The following GRAMD2B variants were observed in gnomAD, a reference collection of about 807,000 sequenced individuals.
The protein encoded by GRAMD2B is GRAM domain-containing protein 2B.
GRAMD2B carries 41 observed loss-of-function variants against 59.2 expected under a neutral mutation model. The ratio of observed to expected loss-of-function variants is 0.69; its 90% CI spans 0.54 to 0.90. The LOEUF is 0.90. Among genes scored for constraint, GRAMD2B ranks in the 40% least tolerant of loss-of-function variants. The pLI is 0.00. For synonymous variants in GRAMD2B, 161 were observed against 182.7 expected, an observed-to-expected ratio of 0.88 and a Z score of 0.96; for missense variants, 424 against 500.5, an observed-to-expected ratio of 0.85 and a Z score of 1.46.
intron 1 of GRAMD2B, among the ~76,000 whole-genome samples, chr5:126,397,524 T>C (rs965106494): frequency 6.6e-6 from 1 of 152,138 alleles, no homozygotes; most frequent in African/African-American, 2.4e-5. Context: ...ACACCTGGCT[T>C]TGACGTTTAT....
intron 11 of GRAMD2B, among the ~76,000 whole-genome samples, chr5:126,486,259 C>T (rs1216976788): frequency 1.3e-5 from 2 of 152,198 alleles, no homozygotes; most frequent in Non-Finnish European, 2.9e-5. Context: ...AGTCATTCTA[C>T]AGTGATATTC....
intron 1 of GRAMD2B, among the ~76,000 whole-genome samples, chr5:126,405,761 C>G (rs1246768368): frequency 2.0e-5 from 3 of 150,498 alleles, no homozygotes; most frequent in African/African-American, 7.3e-5. Context: ...GTTTGCTTTT[C>G]TTGGTTCTTT....
intron 1 of GRAMD2B, among the ~76,000 whole-genome samples, chr5:126,440,803 T>C (rs771937940): frequency 6.6e-6 from 1 of 152,184 alleles, no homozygotes; most frequent in Non-Finnish European, 1.5e-5. Flanking sequence ...CGTTCTGTAT[T>C]AGATTAATGA....
At chr5:126,391,337 A>AAAAAAAAAAAAAAAAAAAAAAAAT (rs1561471900) in intron 1 of GRAMD2B, among the ~76,000 whole-genome samples, 1 of 140,388 alleles carries the variant, frequency 7.1e-6, no homozygotes. Context: ...AAAAAAAAAA[A>AAAAAAAAAAAAAAAAAAAAAAAAT]AAACTTGTAC....
chr5:126,422,177 A>G (rs1006476823), upstream of GRAMD2B, among the ~76,000 whole-genome samples: 1 of 150,972 alleles, frequency 6.6e-6, no homozygotes, highest in African/African-American at 2.4e-5. Flanking sequence ...CTGTCTTATA[A>G]CATGGTGACA....
chr5:126,415,981 A>G lies in GRAMD2B; in HGVS notation c.125+44414A>G, dbSNP rs1314591755. Reference sequence around the variant, plus strand: ...AATGCATGAATTGCATTGTCAAAACATTTCACACGAAGAAAAAGAACATGC... The same window carrying G: ...AATGCATGAATTGCATTGTCAAAACGTTTCACACGAAGAAAAAGAACATGC... On this transcript the variant is annotated intron_variant, in intron 1 of 8. Coordinates refer to the GRAMD2B transcript ENST00000506445. Among the ~76,000 whole-genome samples, 3 of 152,250 alleles carry G rather than the reference A, an allele frequency of 2.0e-5. No individual in the cohort carries two copies. The East Asian group carries it at 5.8e-4, about 29-fold the overall frequency.
intron 1 of GRAMD2B, among the ~76,000 whole-genome samples, chr5:126,412,158 T>G (rs938562571): frequency 6.6e-6 from 1 of 151,994 alleles, no homozygotes; most frequent in African/African-American, 2.4e-5. Context: ...TGAATAGGAG[T>G]AGTGACACTG....
At chr5:126,404,729 T>A (rs911049012) in intron 1 of GRAMD2B, among the ~76,000 whole-genome samples, 14 of 151,894 alleles carry the variant, frequency 9.2e-5, no homozygotes, top group Non-Finnish European at 1.5e-4. Context: ...TAAGCATTGA[T>A]CTTGGCACTA....
intron 1 of GRAMD2B, among the ~76,000 whole-genome samples, chr5:126,402,945 A>T (rs1757963506): frequency 6.6e-6 from 1 of 152,022 alleles, no homozygotes; most frequent in African/African-American, 2.4e-5. Context: ...TGAGATAATT[A>T]TGTAGAATGT....
chr5:126,400,817 A>G (rs896163589), intron 1 of GRAMD2B, among the ~76,000 whole-genome samples: 1 of 152,132 alleles, frequency 6.6e-6, no homozygotes, highest in Admixed American at 6.6e-5. Context: ...ATCTTCTGAT[A>G]GTCTTATATA....
chr5:126,430,731 G>T (rs1047389108), intron 1 of GRAMD2B, among the ~76,000 whole-genome samples: 2 of 152,104 alleles, frequency 1.3e-5, no homozygotes, highest in African/African-American at 4.8e-5. Context: ...TGTAGCAAAA[G>T]AAACAAGATT....
intron 1 of GRAMD2B, among the ~76,000 whole-genome samples, chr5:126,413,768 T>A (rs899567104): frequency 6.6e-6 from 1 of 152,142 alleles, no homozygotes; most frequent in Non-Finnish European, 1.5e-5. Context: ...GTTTTATGAA[T>A]CTGGGTGCTC....
intron 1 of GRAMD2B, among the ~76,000 whole-genome samples, chr5:126,459,430 C>T (rs1766944962): frequency 6.6e-6 from 1 of 152,118 alleles, no homozygotes. Context: ...TTTCTAAATG[C>T]TTAAGATTAT....
At chr5:126,454,831 C>T (rs753441617) in intron 1 of GRAMD2B, among the ~76,000 whole-genome samples, 5 of 152,148 alleles carry the variant, frequency 3.3e-5, no homozygotes, top group East Asian at 1.9e-4. Context: ...TCCAAACTGG[C>T]GGAACCCCTC....
rs144424787 is a variant in GRAMD2B at position 126,492,064 on chromosome 5, C to T, written c.1258-851C>T. Among the ~76,000 whole-genome samples, 53 of 152,300 alleles carry T rather than the reference C, an allele frequency of 3.5e-4. No individual in the cohort carries two copies. The East Asian group carries it at 9.6e-3, about 28-fold the overall frequency. ...AATTCTTACAAGTTCCTTTATTCAACGGTCATTTACTGAGAACATTTTTGA... is the reference window on the plus strand; with the variant it reads ...AATTCTTACAAGTTCCTTTATTCAATGGTCATTTACTGAGAACATTTTTGA... On this transcript the variant is annotated intron_variant, in intron 13 of 13. Transcript: ENST00000285689.
chr5:126,410,998 T>C (rs1311803485), intron 1 of GRAMD2B, among the ~76,000 whole-genome samples: 1 of 152,128 alleles, frequency 6.6e-6, no homozygotes, highest in Non-Finnish European at 1.5e-5. Context: ...TCCTTCTAGA[T>C]TCTGCATATT....
intron 1 of GRAMD2B, among the ~76,000 whole-genome samples, chr5:126,464,478 A>G (rs1767941875): frequency 6.6e-6 from 1 of 152,120 alleles, no homozygotes; most frequent in South Asian, 2.1e-4. Flanking sequence ...GCTTCCCAAG[A>G]GATCTTCACC....
chr5:126,460,837 A>G (rs1426156603), intron 1 of GRAMD2B, among the ~76,000 whole-genome samples: 5 of 152,256 alleles, frequency 3.3e-5, no homozygotes, highest in Non-Finnish European at 1.5e-5. Flanking sequence ...TCCCATTGCC[A>G]GGCATTTATT....
intron 1 of GRAMD2B, among the ~76,000 whole-genome samples, chr5:126,379,070 C>T (rs1755442758): frequency 6.6e-6 from 1 of 152,042 alleles, no homozygotes; most frequent in Admixed American, 6.6e-5. Context: ...CCACCCTTTC[C>T]CCCAAGTCCC....
Sources: allele counts gnomAD v4.1 joint callset (sites outside exome capture counted in the v4.1 genomes callset), GRCh38; gene constraint gnomAD v4.1.1; transcripts MANE v1.5; gene names NCBI Gene and HGNC (gene_info 2026-07-23, HGNC 2026-07-21).